Variants in CYP39A1 observed in about 807,000 individuals in gnomAD.
The protein encoded by CYP39A1 is cytochrome P450 family 39 subfamily A member 1.
A neutral mutation model predicts 58.1 loss-of-function variants in CYP39A1; 49 were observed. That is an observed-to-expected ratio of 0.84 (90% CI 0.67 to 1.07). CYP39A1 has a LOEUF of 1.07. CYP39A1 is among the 50% of genes least tolerant of loss of function. The pLI, the probability that CYP39A1 is intolerant of heterozygous loss-of-function variation, is 0.00. For synonymous variants in CYP39A1, 209 were observed against 187.6 expected, an observed-to-expected ratio of 1.11 and a Z score of -0.93; for missense variants, 531 against 539.4, an observed-to-expected ratio of 0.98 and a Z score of 0.16.
chr6:46,599,617 G>A (rs1232110259), intron 7 of CYP39A1, among the ~76,000 whole-genome samples: 1 of 152,102 alleles, frequency 6.6e-6, no homozygotes, highest in African/African-American at 2.4e-5. Context: ...ACTTCTGAAT[G>A]TACCCCAAGA....
intron 11 of CYP39A1, among the ~76,000 whole-genome samples, chr6:46,552,230 G>T (rs374399322): frequency 6.9e-4 from 105 of 152,224 alleles, no homozygotes; most frequent in African/African-American, 2.5e-3. Context: ...GAGCAAAATT[G>T]TGACATTCAA....
chr6:46,556,161 A>G (rs2150478377), intron 10 of CYP39A1, among the ~76,000 whole-genome samples: 2 of 152,344 alleles, frequency 1.3e-5, no homozygotes, highest in Middle Eastern at 6.8e-3. Flanking sequence ...AAATAACTCA[A>G]AAACGGGGCA....
chr6:46,582,345 A>G (rs558751457), intron 10 of CYP39A1, among the ~76,000 whole-genome samples: 6 of 152,166 alleles, frequency 3.9e-5, no homozygotes, highest in Non-Finnish European at 8.8e-5. Flanking sequence ...GTGTGCAGAT[A>G]CTTTACTATA....
intron 8 of CYP39A1, among the ~76,000 whole-genome samples, chr6:46,592,860 G>A (rs1396353825): frequency 1.3e-5 from 2 of 152,130 alleles, no homozygotes; most frequent in South Asian, 4.1e-4. Flanking sequence ...GGAGGCTGAG[G>A]CAGGAGAATT....
intron 10 of CYP39A1, among the ~76,000 whole-genome samples, chr6:46,570,558 A>G (rs896295201): frequency 6.6e-6 from 1 of 152,122 alleles, no homozygotes; most frequent in Non-Finnish European, 1.5e-5. Context: ...ATGAAGGAAT[A>G]CTTGAGACTA....
At chr6:46,631,290 A>T (rs1272962940) in intron 5 of CYP39A1, among the ~76,000 whole-genome samples, 1 of 151,610 alleles carries the variant, frequency 6.6e-6, no homozygotes, top group East Asian at 1.9e-4. Context: ...ATTTGTTCAA[A>T]TCCTGGCTCA....
rs567173066 is a variant in CYP39A1 at position 46,572,444 on chromosome 6, T to C, written c.1250+14633A>G. Among the ~76,000 whole-genome samples, 32 of 152,292 alleles carry C rather than the reference T, an allele frequency of 2.1e-4. No homozygotes were observed. The South Asian group carries it at 2.3e-3, about 11-fold the overall frequency. On this transcript the variant is annotated intron_variant, in intron 10 of 11. Transcript: ENST00000275016. ...AAGGACAGCTTTGCCAGATATATCA[T>C]TGGTTTTCAGAATGTTTTTTCTTTC...
chr6:46,624,886 C>T (rs9463228), intron 7 of CYP39A1, among the ~76,000 whole-genome samples: 28,531 of 151,984 alleles, frequency 0.19, 2,838 homozygotes, highest in African/African-American at 0.26. Flanking sequence ...TCCCTATTTG[C>T]AGCTCCTAAA....
chr6:46,568,032 T>C (rs1771390950), intron 10 of CYP39A1, among the ~76,000 whole-genome samples: 1 of 152,122 alleles, frequency 6.6e-6, no homozygotes, highest in Admixed American at 6.6e-5. Context: ...TTAGTGTTTT[T>C]CTCATGGCTT....
chr6:46,603,497 C>G (rs1209507381), intron 7 of CYP39A1, among the ~76,000 whole-genome samples: 1 of 152,184 alleles, frequency 6.6e-6, no homozygotes, highest in Non-Finnish European at 1.5e-5. Flanking sequence ...ATCTACCCTC[C>G]TTCCTTTTTT....
intron 7 of CYP39A1, among the ~76,000 whole-genome samples, chr6:46,609,198 G>A (rs1270771951): frequency 6.6e-6 from 1 of 151,696 alleles, no homozygotes; most frequent in African/African-American, 2.4e-5. Context: ...TCAGAAGATC[G>A]AGACCATCCT....
At chr6:46,564,531 A>G (rs1393581519) in intron 10 of CYP39A1, among the ~76,000 whole-genome samples, 1 of 152,114 alleles carries the variant, frequency 6.6e-6, no homozygotes, top group East Asian at 1.9e-4. Context: ...GAGAATGTAC[A>G]CAGAAGGCCA....
At chr6:46,597,918 G>C (rs748727957) in intron 7 of CYP39A1, among the ~76,000 whole-genome samples, 1 of 152,250 alleles carries the variant, frequency 6.6e-6, no homozygotes, top group South Asian at 2.1e-4. Flanking sequence ...ATTAAAAGGA[G>C]ATAAGCACTT....
intron 10 of CYP39A1, among the ~76,000 whole-genome samples, chr6:46,585,007 G>A (rs922095372): frequency 6.6e-6 from 1 of 152,124 alleles, no homozygotes; most frequent in Non-Finnish European, 1.5e-5. Flanking sequence ...CCAGAGCACT[G>A]CCTTGCACAG....
At chr6:46,561,701 C>T (rs1034212843) in intron 10 of CYP39A1, among the ~76,000 whole-genome samples, 4 of 151,886 alleles carry the variant, frequency 2.6e-5, no homozygotes, top group Admixed American at 1.3e-4. Context: ...CGGGGTTTCT[C>T]GAAGCTTTAT....
rs1770292746 is a variant in CYP39A1, at chr6:46,549,735, CTCTGTAAAG to C, written c.*622_*630del. On this transcript the variant is annotated 3_prime_UTR_variant, in exon 12 of 12. Coordinates refer to ENST00000275016, the MANE Select transcript of CYP39A1 (RefSeq NM_016593.5). Reference sequence around the variant, plus strand: ...AATCAACATACATTTATTGAATATACTCTGTAAAGAAGGTGCAATCCTGAGCATAATAAA... The same window carrying C: ...AATCAACATACATTTATTGAATATACAAGGTGCAATCCTGAGCATAATAAA... 1 of 152,130 alleles carries C rather than the reference CTCTGTAAAG, an allele frequency of 6.6e-6. No homozygotes were observed. The allele number at this position is 152,130 out of a possible 1,614,324, so 9.4% of individuals were successfully genotyped here. A position where few individuals can be genotyped will look rare whatever the true frequency, so the allele number is the denominator to read the frequency against.
chr6:46,555,091 C>T (rs1460831557), intron 10 of CYP39A1, among the ~76,000 whole-genome samples: 1 of 151,808 alleles, frequency 6.6e-6, no homozygotes, highest in Non-Finnish European at 1.5e-5. Context: ...TTTCAAACAC[C>T]ACAGCAGAAT....
In CYP39A1 at chr6:46,651,063, A is replaced by G. The variant is rs78506607; in HGVS notation, c.177+1343T>C. On this transcript the variant is annotated intron_variant, in intron 1 of 11. Coordinates refer to ENST00000275016, the MANE Select transcript of CYP39A1 (RefSeq NM_016593.5). ...AGAAGTTAGGCAATTGCATACAGTC[A>G]ATGGAAAATAAAAATTGCATATTCA... 9.4e-3 allele frequency among the ~76,000 whole-genome samples: 1,437 copies of G among 152,360 alleles called. 12 individuals carry two copies. Among genetic ancestry groups the G allele is most frequent in the Admixed American group, 0.015 (237 of 15,306 alleles).
chr6:46,591,661 A>G (rs537700203), intron 8 of CYP39A1, among the ~76,000 whole-genome samples: 33 of 152,234 alleles, frequency 2.2e-4, no homozygotes, highest in Non-Finnish European at 2.6e-4. Flanking sequence ...ACTCTTTGGG[A>G]TCTTCAATAA....
Sources: allele counts gnomAD v4.1 joint callset (sites outside exome capture counted in the v4.1 genomes callset), GRCh38; gene constraint gnomAD v4.1.1; transcripts MANE v1.5; gene names NCBI Gene and HGNC (gene_info 2026-07-23, HGNC 2026-07-21).